Variants in PCBP3 observed in about 807,000 individuals in gnomAD.
PCBP3 encodes the protein poly(rC) binding protein 3, also known as poly(rC)-binding protein 3.
Under a neutral mutation model 52.7 loss-of-function variants are expected in PCBP3, and 25 were observed. The ratio of observed to expected loss-of-function variants is 0.47; its 90% CI spans 0.35 to 0.66. PCBP3 has a LOEUF of 0.66. Among genes scored for constraint, PCBP3 ranks in the 30% least tolerant of loss-of-function variants. PCBP3 has a pLI of 0.01. For missense variants in PCBP3, 391 were observed against 490.3 expected, an observed-to-expected ratio of 0.80 and a Z score of 1.91; for synonymous variants, 162 against 183.0, an observed-to-expected ratio of 0.89 and a Z score of 0.93.
intron 4 of PCBP3, among the ~76,000 whole-genome samples, chr21:45,812,838 A>G (rs1166978822): frequency 2.0e-5 from 3 of 152,236 alleles, no homozygotes; most frequent in South Asian, 2.1e-4. Flanking sequence ...TTTTGCCCAT[A>G]TGTAATATGT....
At chr21:45,645,168 T>A (rs1211273958) in intron 1 of PCBP3, among the ~76,000 whole-genome samples, 1 of 152,138 alleles carries the variant, frequency 6.6e-6, no homozygotes, top group Non-Finnish European at 1.5e-5. Context: ...TGGAGATCTG[T>A]CAGAAAACAT....
chr21:45,880,944 G>T lies in PCBP3; in HGVS notation c.11-15264G>T, dbSNP rs188188446. Among the ~76,000 whole-genome samples the T allele has an allele frequency of 2.5e-3, 377 of 152,312 alleles. 2 individuals are homozygous for T. The highest frequency in any genetic ancestry group is 8.8e-3 in the African/African-American group (364 of 41,568). On this transcript the variant is annotated intron_variant, in intron 5 of 17. Transcript: ENST00000681687. This position sits in a 1 kb window ranked among gnomAD's most constrained non-coding sequence, Gnocchi z 5.4. ...AGGTACCCAGGGGCTTCAGCACGGG[G>T]TGAGTCCAAGCTTAGAAGCTCACTG... is the stretch of plus-strand genomic sequence containing the variant.
At chr21:45,919,133 GAGAC>G (rs10583021) in intron 13 of PCBP3, 105,469 of 151,814 alleles carry the variant, frequency 0.69, 38,110 homozygotes, top group African/African-American at 0.89. Flanking sequence ...CAGAGAACGA[GAGAC>G]AGACGGCCCC....
At chr21:45,792,531 G>A (rs1159457032) in intron 4 of PCBP3, among the ~76,000 whole-genome samples, 4 of 152,350 alleles carry the variant, frequency 2.6e-5, no homozygotes, top group African/African-American at 9.6e-5. Context: ...CCTGAGAACA[G>A]TCATCTACTG....
chr21:45,927,181 A>T (rs958244689), intron 13 of PCBP3, among the ~76,000 whole-genome samples: 2 of 143,486 alleles, frequency 1.4e-5, no homozygotes, highest in Admixed American at 1.4e-4. Flanking sequence ...GTAGTTGTCT[A>T]TGTGTTACAT....
rs761647436 is a variant in PCBP3, at chr21:45,853,546, C to T, written c.10+3451C>T. ...GACAGAATTTTCTGGGGTTTCAATA[C>T]CCTCTGCAGGTTTCCATTGGTTACT... On this transcript the variant is annotated intron_variant, in intron 5 of 17. Coordinates refer to ENST00000681687, the MANE Select transcript of PCBP3 (RefSeq NM_001384156.1). This position sits in a 1 kb window ranked among gnomAD's most constrained non-coding sequence, Gnocchi z 4.6. 6.6e-6 allele frequency among the ~76,000 whole-genome samples: 1 copy of T among 152,216 alleles called. No individual in the cohort carries two copies. The highest frequency in any genetic ancestry group is 1.5e-5 in the Non-Finnish European group (1 of 68,034).
chr21:45,860,159 T>C (rs924266596), intron 5 of PCBP3, among the ~76,000 whole-genome samples: 6 of 114,328 alleles, frequency 5.2e-5, no homozygotes, highest in African/African-American at 2.2e-4. Context: ...CAGGCCCAGG[T>C]GCCCTCTCCA....
chr21:45,917,735 TAATC>T lies in PCBP3; in HGVS notation c.717+109_717+112del. 2 of 933,166 alleles carry T rather than the reference TAATC, an allele frequency of 2.1e-6. No individual in the cohort carries two copies. The highest frequency in any genetic ancestry group is 3.5e-6 in the Non-Finnish European group (2 of 563,478). 57.8% of individuals were successfully genotyped at this position (933,166 alleles called of 1,614,324 possible). On this transcript the variant is annotated intron_variant, in intron 13 of 17. Coordinates refer to ENST00000681687, the MANE Select transcript of PCBP3 (RefSeq NM_001384156.1). This position sits in a 1 kb window ranked among gnomAD's most constrained non-coding sequence, Gnocchi z 5.3. ...TAACATTAATATTACACAATAATAT[TAATC>T]AACTTCTCAGCGTTCCTGACCTGTG...
intron 4 of PCBP3, among the ~76,000 whole-genome samples, chr21:45,780,309 C>G (rs1478503786): frequency 6.6e-6 from 1 of 152,206 alleles, no homozygotes; most frequent in Admixed American, 6.5e-5. Context: ...TCAAGATACA[C>G]TGTTGTGATT....
intron 3 of PCBP3, among the ~76,000 whole-genome samples, chr21:45,754,887 GT>G (rs1384014639): frequency 2.0e-5 from 3 of 152,140 alleles, no homozygotes. Flanking sequence ...TGTCTTTGGT[GT>G]TTTACAATTT....
chr21:45,903,009 G>A (rs73907910), intron 9 of PCBP3, among the ~76,000 whole-genome samples: 75 of 152,324 alleles, frequency 4.9e-4, no homozygotes, highest in African/African-American at 1.7e-3. Context: ...TTTGGAACTC[G>A]AGTTTGAGTC....
At chr21:45,891,845 A>G (rs1158887769) in intron 5 of PCBP3, among the ~76,000 whole-genome samples, 1 of 152,164 alleles carries the variant, frequency 6.6e-6, no homozygotes, top group African/African-American at 2.4e-5. Flanking sequence ...CTTCTCCTGC[A>G]CAGCCCCGGG....
intron 1 of PCBP3, among the ~76,000 whole-genome samples, chr21:45,662,271 GTTTTTTTTTTTTTT>G (rs59220095): frequency 3.0e-4 from 29 of 97,268 alleles, no homozygotes; most frequent in African/African-American, 8.0e-4. Context: ...ATATACCTAA[GTTTTTTTTTTTTTT>G]TTTTTTTTTT....
chr21:45,931,395 C>T (rs2076152818), intron 15 of PCBP3, among the ~76,000 whole-genome samples: 1 of 152,230 alleles, frequency 6.6e-6, no homozygotes, highest in Admixed American at 6.5e-5. Context: ...TCCTGGTGGC[C>T]AGGCAGGTGT....
At chr21:45,921,795 G>C (rs931730956) in intron 13 of PCBP3, among the ~76,000 whole-genome samples, 2 of 146,210 alleles carry the variant, frequency 1.4e-5, no homozygotes, top group East Asian at 2.0e-4. Flanking sequence ...CTCCAGCCTG[G>C]GCGACAGAAC....
At chr21:45,752,604 A>G (rs1260383121) in intron 3 of PCBP3, among the ~76,000 whole-genome samples, 2 of 151,990 alleles carry the variant, frequency 1.3e-5, no homozygotes, top group African/African-American at 2.4e-5. Context: ...AGAGCTTTAA[A>G]AATCATGTAA....
chr21:45,744,486 C>T (rs1322743656), intron 3 of PCBP3: 5 of 152,170 alleles, frequency 3.3e-5, no homozygotes, highest in Admixed American at 6.5e-5. Context: ...TGTAGGCCAC[C>T]ATGCCGGGCC....
chr21:45,881,800 T>A (rs934278952), intron 5 of PCBP3, among the ~76,000 whole-genome samples: 4 of 152,080 alleles, frequency 2.6e-5, no homozygotes, highest in Admixed American at 2.6e-4. Flanking sequence ...ACATGTGAGA[T>A]CATGCAGTAT....
rs183593322 is a variant in PCBP3 at position 45,644,114 on chromosome 21, C to T, written c.-279+246C>T. Among the ~76,000 whole-genome samples, 1,299 of 151,442 alleles carry T rather than the reference C, an allele frequency of 8.6e-3. 24 individuals are homozygous for T. Among genetic ancestry groups the T allele is most frequent in the Admixed American group, 0.028 (425 of 15,214 alleles). ...CGGTCGCCAGGCCTGGCCCGCCCGC[C>T]TCCGCCCCCTCCCCAAATTCGGAAG... On this transcript the variant is annotated intron_variant, in intron 1 of 17. Transcript: ENST00000681687.
Sources: gnomAD v4.1 joint callset for allele counts (sites outside exome capture counted in the v4.1 genomes callset) on GRCh38, gnomAD v4.1.1 for gene constraint, Gnocchi (gnomAD v3.1) non-coding constraint, MANE v1.5 for transcripts, NCBI Gene and HGNC (gene_info 2026-07-23, HGNC 2026-07-21) for gene names.